Variants in PRR14L observed in about 807,000 individuals in gnomAD.
The protein encoded by PRR14L is proline rich 14 like, also known as protein PRR14L.
In PRR14L, 80 loss-of-function variants were observed where a neutral mutation model predicts 155.0. The ratio of observed to expected loss-of-function variants is 0.52; its 90% CI spans 0.43 to 0.62. The LOEUF (loss-of-function observed/expected upper bound fraction) is 0.62, where lower values mean the gene tolerates loss of function less well. PRR14L is among the 20% of genes least tolerant of loss of function. The pLI, the probability that PRR14L is intolerant of heterozygous loss-of-function variation, is 0.00. For missense variants in PRR14L, 2,469 were observed against 2,548.0 expected (o/e 0.97, Z 0.67); for synonymous variants, 883 against 916.0 (o/e 0.96, Z 0.65).
chr22:31,738,457 G>A lies in PRR14L; in HGVS notation c.404C>T (p.Pro135Leu). 4 of 1,552,216 alleles carry A rather than the reference G, an allele frequency of 2.6e-6. No homozygotes were observed. The Admixed American group carries it at 7.8e-5, about 30-fold the overall frequency. The change falls in exon 2 of 9, where the codon CCC (proline) becomes CTC (leucine). Residue 135 changes from proline (P) to leucine (L), a missense_variant. Around this residue, in one of 2 missense-constraint regions of PRR14L, gnomAD observed 2,363 missense variants for 2,371.6 expected, o/e 1.00. Coordinates refer to ENST00000327423, the MANE Select transcript of PRR14L (RefSeq NM_173566.3). Reference protein sequence around the residue: ...PGGQAGIIREPSEGAKEDPHQ... With the variant: ...PGGQAGIIRELSEGAKEDPHQ... ...TGGATCTTCCTTTGCTCCCTCAGAG[G>A]GTTCTCTTATAATTCCTGCCTGGCC... is the stretch of plus-strand genomic sequence containing the variant.
chr22:31,711,386 G>A (rs562093046), intron 4 of PRR14L, among the ~76,000 whole-genome samples: 13 of 152,302 alleles, frequency 8.5e-5, no homozygotes, highest in South Asian at 2.1e-4. Flanking sequence ...CAGGAGAACC[G>A]CTTGAATCCG....
At position 31,712,106 on chromosome 22, in the gene PRR14L, T is replaced by C. The variant is rs749741518; in HGVS notation, c.5733A>G (p.Gln1911=). 1.2e-5 allele frequency: 20 copies of C among 1,612,150 alleles called. No individual in the cohort carries two copies. The highest frequency in any genetic ancestry group is 1.6e-4 in the Middle Eastern group (1 of 6,064). Residue 1911 remains glutamine (Q), a synonymous_variant, in exon 4 of 9, where the codon CAA becomes CAG. Coordinates refer to ENST00000327423, the MANE Select transcript of PRR14L (RefSeq NM_173566.3). ...SSLHSPHCKR[Q]PSLGTTSSHT... ...ACCTGCTTGTGGTGCCCAGACTTGG[T>C]TGCCGCTTGCAGTGAGGGGAATGAA...
In PRR14L at chr22:31,714,718, T is replaced by C. The variant is rs1156598800; in HGVS notation, c.3121A>G (p.Lys1041Glu). Reference sequence around the variant, plus strand: ...GTGGACTCATCACAACCAGACATCTTGACAAAGGCTCCTTTCAAATTGCAT... The same window carrying C: ...GTGGACTCATCACAACCAGACATCTCGACAAAGGCTCCTTTCAAATTGCAT... ...KKCNLKGAFVKMSGCDESTEG... is the reference protein window; with the variant it reads ...KKCNLKGAFVEMSGCDESTEG... The change falls in exon 4 of 9, where the codon AAG (lysine) becomes GAG (glutamate). Residue 1041 changes from lysine (K) to glutamate (E), a missense_variant. Transcript: ENST00000327423. 3 of 1,552,276 alleles carry C rather than the reference T, an allele frequency of 1.9e-6. No individual in the cohort carries two copies. Among genetic ancestry groups the C allele is most frequent in the African/African-American group, 1.4e-5 (1 of 73,052 alleles).
At position 31,713,509 on chromosome 22, in the gene PRR14L, T is replaced by C; in HGVS notation, c.4330A>G (p.Ile1444Val). The part of the protein sequence containing the change: ...PKADKDESTM[I>V]NEITLAKLAK... ...AGCTTTGCTAGGGTGATTTCATTGA[T>C]CATGGTGGACTCATCTTTGTCAGCC... Residue 1444 changes from isoleucine to valine, a missense_variant, in exon 4 of 9, where the codon ATC becomes GTC. Physicochemically the swap from Ile to Val is conservative, Grantham distance 29. Around this residue, in one of 2 missense-constraint regions of PRR14L, gnomAD observed 2,363 missense variants for 2,371.6 expected, o/e 1.00. Coordinates refer to ENST00000327423, the MANE Select transcript of PRR14L (RefSeq NM_173566.3). The C allele has an allele frequency of 6.4e-7, 1 of 1,552,176 alleles. No individual in the cohort carries two copies. Among genetic ancestry groups the C allele is most frequent in the Non-Finnish European group, 8.7e-7 (1 of 1,147,092 alleles).
intron 1 of PRR14L, among the ~76,000 whole-genome samples, chr22:31,748,564 G>A (rs1006337666): frequency 2.0e-5 from 3 of 152,164 alleles, no homozygotes; most frequent in Admixed American, 1.3e-4. Context: ...ATATACAAGA[G>A]GGAAGAGATC....
At chr22:31,688,901 TACACACACACAC>T (rs149232375) in intron 7 of PRR14L, among the ~76,000 whole-genome samples, 3 of 147,766 alleles carry the variant, frequency 2.0e-5, no homozygotes, top group Middle Eastern at 3.2e-3. Flanking sequence ...AATATATACA[TACACACACACAC>T]ACACACACAC....
Position 31,704,739 on chromosome 22 carries a change from A to C in PRR14L, c.5757-13T>G. Reference sequence around the variant, plus strand: ...TAACATGGTGTGGCTAAAGTAAAGCAAAAGTACAAAAGCAATAGGTAAGGG... The same window carrying C: ...TAACATGGTGTGGCTAAAGTAAAGCCAAAGTACAAAAGCAATAGGTAAGGG... On this transcript the variant is annotated splice_polypyrimidine_tract_variant and intron_variant, in intron 4 of 8. Transcript: ENST00000327423. The C allele has an allele frequency of 1.2e-6, 2 of 1,610,294 alleles. No homozygotes were observed. Among genetic ancestry groups the C allele is most frequent in the East Asian group, 2.2e-5 (1 of 44,852 alleles).
intron 7 of PRR14L, among the ~76,000 whole-genome samples, chr22:31,695,262 G>A (rs1405263016): frequency 1.3e-5 from 2 of 152,084 alleles, no homozygotes; most frequent in African/African-American, 2.4e-5. Context: ...CTGTGATAAC[G>A]GAATCCTAGG....
At chr22:31,709,871 G>C (rs566111904) in intron 4 of PRR14L, among the ~76,000 whole-genome samples, 1 of 151,864 alleles carries the variant, frequency 6.6e-6, no homozygotes, top group East Asian at 2.0e-4. Flanking sequence ...TTGACCTCGT[G>C]ATCTGCCTGC....
At chr22:31,731,381 G>A (rs1317106454) in intron 2 of PRR14L, among the ~76,000 whole-genome samples, 3 of 151,740 alleles carry the variant, frequency 2.0e-5, no homozygotes, top group East Asian at 1.9e-4. Flanking sequence ...TGGCTAACAC[G>A]GTGAAACCCC....
At chr22:31,689,850 G>C (rs756160759) in intron 7 of PRR14L, among the ~76,000 whole-genome samples, 10 of 152,028 alleles carry the variant, frequency 6.6e-5, no homozygotes, top group Non-Finnish European at 1.5e-4. Flanking sequence ...GGGTTCAAGC[G>C]ATTCTCCTGC....
At chr22:31,737,391 G>C (rs28592120) in intron 2 of PRR14L, among the ~76,000 whole-genome samples, 2,270 of 152,006 alleles carry the variant, frequency 0.015, 57 homozygotes, top group African/African-American at 0.053. Flanking sequence ...TGAGGCAGGA[G>C]AATCGCTTGA....
chr22:31,713,601 G>T lies in PRR14L; in HGVS notation c.4238C>A (p.Thr1413Lys), dbSNP rs769926993. 3 of 1,551,948 alleles carry T rather than the reference G, an allele frequency of 1.9e-6. No homozygotes were observed. ...AGATGATATGCACTGTTGCGATATC[G>T]TATGTGCTTTTTGTTGACGTATATA... Reference protein sequence around the residue: ...EKYIRQQKAHTISQQCISSSL... With the variant: ...EKYIRQQKAHKISQQCISSSL... The change falls in exon 4 of 9, where the codon ACG (threonine) becomes AAG (lysine). Residue 1413 changes from threonine (T) to lysine (K), a missense_variant. Thr to Lys is a moderately conservative substitution (Grantham distance 78, BLOSUM62 -1). Coordinates refer to ENST00000327423, the MANE Select transcript of PRR14L (RefSeq NM_173566.3).
At chr22:31,705,371 C>A (rs903064873) in intron 4 of PRR14L, among the ~76,000 whole-genome samples, 1 of 151,834 alleles carries the variant, frequency 6.6e-6, no homozygotes, top group Non-Finnish European at 1.5e-5. Flanking sequence ...TAGAGAGAAA[C>A]CAATTATTTT....
chr22:31,748,450 C>CTA (rs1556488562), intron 1 of PRR14L, among the ~76,000 whole-genome samples: 10 of 151,928 alleles, frequency 6.6e-5, no homozygotes, highest in Admixed American at 6.6e-5. Context: ...AGGAGTGAAA[C>CTA]TGGAAAATGC....
At chr22:31,733,676 C>T (rs1467189675) in intron 2 of PRR14L, among the ~76,000 whole-genome samples, 1 of 152,070 alleles carries the variant, frequency 6.6e-6, no homozygotes, top group Non-Finnish European at 1.5e-5. Context: ...CCAAACTGCT[C>T]CTCAGAAAGG....
At chr22:31,687,168 GCTGGGATTA>G (rs1433062452) in intron 8 of PRR14L, among the ~76,000 whole-genome samples, 1 of 151,844 alleles carries the variant, frequency 6.6e-6, no homozygotes, top group Non-Finnish European at 1.5e-5. Flanking sequence ...CTCCCGAGTA[GCTGGGATTA>G]CTGGTGTGTG....
At chr22:31,720,540 C>T (rs754928651) in intron 3 of PRR14L, among the ~76,000 whole-genome samples, 1 of 152,102 alleles carries the variant, frequency 6.6e-6, no homozygotes, top group Non-Finnish European at 1.5e-5. Flanking sequence ...CAAGACCAGC[C>T]TGGCCAACAT....
rs972593270 is a variant in PRR14L, at chr22:31,712,075, G to C, written c.5756+8C>G. 1 of 1,603,168 alleles carries C rather than the reference G, an allele frequency of 6.2e-7. No homozygotes were observed. The highest frequency in any genetic ancestry group is 8.5e-7 in the Non-Finnish European group (1 of 1,174,666). On this transcript the variant is annotated splice_region_variant and intron_variant, in intron 4 of 8. Transcript: ENST00000327423. ...GGACATTTGTAAAGAACAGGGGACA[G>C]ATTTTACCTGCTTGTGGTGCCCAGA... is the stretch of plus-strand genomic sequence containing the variant.
Sources: gnomAD v4.1 joint callset for allele counts (sites outside exome capture counted in the v4.1 genomes callset) on GRCh38, gnomAD v4.1.1 for gene constraint, gnomAD v4.1.1 regional missense constraint, MANE v1.5 for transcripts, NCBI Gene and HGNC (gene_info 2026-07-23, HGNC 2026-07-21) for gene names.